The following BCL11A variants were observed in gnomAD, a reference collection of about 807,000 sequenced individuals.
The protein encoded by BCL11A is B cell CLL/lymphoma 11A.
A neutral mutation model predicts 55.9 loss-of-function variants in BCL11A; 2 were observed. That is an observed-to-expected ratio of 0.04 (90% CI 0.01 to 0.11). The LOEUF (loss-of-function observed/expected upper bound fraction) is 0.11, where lower values mean the gene tolerates loss of function less well. Ranked by LOEUF, BCL11A falls within the 10% of genes least tolerant of loss-of-function variation. BCL11A has a pLI of 1.00. For missense variants in BCL11A, 817 were observed against 1,137.1 expected, an observed-to-expected ratio of 0.72 and a Z score of 4.05; for synonymous variants, 465 against 473.4, an observed-to-expected ratio of 0.98 and a Z score of 0.23.
Position 60,458,651 on chromosome 2 carries a change from A to C in BCL11A, c.*1753T>G, listed in dbSNP as rs970544030. The C allele has an allele frequency of 1.9e-6, 2 of 1,031,968 alleles. No individual in the cohort carries two copies. The highest frequency in any genetic ancestry group is 2.3e-6 in the Non-Finnish European group (2 of 857,918). The allele number at this position is 1,031,968 out of a possible 1,614,324, so 63.9% of individuals were successfully genotyped here. On this transcript the variant is annotated 3_prime_UTR_variant, in exon 4 of 4. Transcript: ENST00000642384. ...AATGCTCCTCAATGAGATTGTGTTC[A>C]ATTTTTTTTCAGCATTCTTGCAACT...
At chr2:60,511,127 C>T (rs1679961487) in intron 2 of BCL11A, among the ~76,000 whole-genome samples, 1 of 152,046 alleles carries the variant, frequency 6.6e-6, no homozygotes, top group South Asian at 2.1e-4. Context: ...TGGCCAGGCA[C>T]AAATCCCAGC....
At chr2:60,489,722 C>A (rs1013402060) in intron 2 of BCL11A, among the ~76,000 whole-genome samples, 1 of 152,306 alleles carries the variant, frequency 6.6e-6, no homozygotes, top group South Asian at 2.1e-4. Context: ...GCCCCCGGGC[C>A]GTTCTCCTTT....
At position 60,489,723 on chromosome 2, in the gene BCL11A, G is replaced by A. The variant is rs13025243; in HGVS notation, c.386-20890C>T. 2.1e-3 allele frequency among the ~76,000 whole-genome samples: 313 copies of A among 152,200 alleles called. 1 individual carries two copies. Among genetic ancestry groups the A allele is most frequent in the Admixed American group, 4.3e-3 (66 of 15,294 alleles). ...GGCTCATCTCCTGAGCCCCCGGGCC[G>A]TTCTCCTTTCCAACTGTCTATTTAC... is the stretch of plus-strand genomic sequence containing the variant. On this transcript the variant is annotated intron_variant, in intron 2 of 3. Coordinates refer to ENST00000642384, the MANE Select transcript of BCL11A (RefSeq NM_022893.4).
intron 2 of BCL11A, among the ~76,000 whole-genome samples, chr2:60,477,600 T>TAAAGAAAGAAAGAAAGAAAG (rs10631738): frequency 2.7e-3 from 407 of 150,654 alleles, no homozygotes; most frequent in East Asian, 5.7e-3. Context: ...TAGAGTAAAA[T>TAAAGAAAGAAAGAAAGAAAG]AAATAAAGAA....
intron 3 of BCL11A, among the ~76,000 whole-genome samples, chr2:60,467,149 G>GATGGTGGTA (rs1558618262): frequency 7.7e-6 from 1 of 129,572 alleles, no homozygotes; most frequent in African/African-American, 3.6e-5. Flanking sequence ...TGGTGGTGAT[G>GATGGTGGTA]GTGGTGGTGG....
intron 1 of BCL11A, among the ~76,000 whole-genome samples, chr2:60,550,321 A>T (rs1670349351): frequency 6.6e-6 from 1 of 152,174 alleles, no homozygotes; most frequent in Admixed American, 6.5e-5. Flanking sequence ...GGCCAGAAGC[A>T]TTTTTAAAGT....
intron 2 of BCL11A, among the ~76,000 whole-genome samples, chr2:60,479,502 G>A (rs1420312883): frequency 2.6e-5 from 4 of 152,164 alleles, no homozygotes; most frequent in African/African-American, 9.7e-5. Context: ...AGCCCCTCAG[G>A]CTGAAATCCT....
At position 60,458,745 on chromosome 2, in the gene BCL11A, G is replaced by A; in HGVS notation, c.*1659C>T. On this transcript the variant is annotated 3_prime_UTR_variant, in exon 4 of 4. Transcript: ENST00000642384. The stretch of plus-strand genomic sequence containing the variant: ...GCACTTAATTGTCCTATCTGAGCAG[G>A]TTTATTTTATACTCAACCTCTGTAT... 9.7e-7 allele frequency: 1 copy of A among 1,032,800 alleles called. No homozygotes were observed. The highest frequency in any genetic ancestry group is 1.2e-6 in the Non-Finnish European group (1 of 858,224). 64.0% of individuals were successfully genotyped at this position (1,032,800 alleles called of 1,614,324 possible).
chr2:60,505,991 A>T (rs1454185878), intron 2 of BCL11A, among the ~76,000 whole-genome samples: 1 of 152,220 alleles, frequency 6.6e-6, no homozygotes, highest in African/African-American at 2.4e-5. Context: ...TAACCCAAAT[A>T]GGGCTTTGCA....
chr2:60,518,012 C>T (rs977509288), intron 2 of BCL11A, among the ~76,000 whole-genome samples: 2 of 150,878 alleles, frequency 1.3e-5, no homozygotes, highest in South Asian at 4.1e-4. Context: ...TACTTGAAGG[C>T]CAGAGGCATT....
At chr2:60,511,694 A>G (rs1311715759) in intron 2 of BCL11A, among the ~76,000 whole-genome samples, 1 of 152,222 alleles carries the variant, frequency 6.6e-6, no homozygotes, top group Non-Finnish European at 1.5e-5. Context: ...ATCATCACTC[A>G]GTCAACGTAT....
At position 60,459,708 on chromosome 2, in the gene BCL11A, A is replaced by G. The variant is rs1370905652; in HGVS notation, c.*696T>C. 2 of 1,037,358 alleles carry G rather than the reference A, an allele frequency of 1.9e-6. No homozygotes were observed. Among genetic ancestry groups the G allele is most frequent in the South Asian group, 9.2e-5 (2 of 21,732 alleles). 64.3% of individuals were successfully genotyped at this position (1,037,358 alleles called of 1,614,324 possible). ...ATATTTTAAAACCAAATGATAGAAT[A>G]AACTTGTTCTGTTTTTCTGTTAATT... On this transcript the variant is annotated 3_prime_UTR_variant, in exon 4 of 4. Coordinates refer to ENST00000642384, the MANE Select transcript of BCL11A (RefSeq NM_022893.4).
chr2:60,461,427 TTCCTCTTCCTCGTCGTCC>T lies in BCL11A; in HGVS notation c.1467_1484del (p.Asp490_Glu495del). 1.2e-6 allele frequency: 2 copies of T among 1,604,106 alleles called. No individual in the cohort carries two copies. The highest frequency in any genetic ancestry group is 1.7e-6 in the Non-Finnish European group (2 of 1,178,642). ...CCTCCTCCTCCTCTTCCTCCTCTTC[TTCCTCTTCCTCGTCGTCC>T]TCCTCTTCCTCCTCGTCCCCGTTCT... On this transcript the variant is annotated inframe_deletion, in exon 4 of 4. Transcript: ENST00000642384.
chr2:60,499,689 G>C (rs918880037), intron 2 of BCL11A: 1 of 152,248 alleles, frequency 6.6e-6, no homozygotes. Context: ...GAAGCTCCCC[G>C]GACCAAAGGG....
chr2:60,540,575 G>A (rs957530069), intron 2 of BCL11A, among the ~76,000 whole-genome samples: 1 of 152,046 alleles, frequency 6.6e-6, no homozygotes, highest in African/African-American at 2.4e-5. Flanking sequence ...CATTTTCATT[G>A]AGAAATCACA....
intron 2 of BCL11A, among the ~76,000 whole-genome samples, chr2:60,501,333 T>C (rs964405776): frequency 2.6e-5 from 4 of 152,092 alleles, no homozygotes; most frequent in Non-Finnish European, 4.4e-5. Context: ...TTAATATCTA[T>C]AAGAGCACAG....
Position 60,460,365 on chromosome 2 carries a change from G to A in BCL11A, c.*39C>T, listed in dbSNP as rs945187909. ...GGGGAAGGGGAGTGGTGAAAAAGGG[G>A]GTGTCAGGTGGGAGTGAGGGAGGGG... On this transcript the variant is annotated 3_prime_UTR_variant, in exon 4 of 4. Transcript: ENST00000642384. The A allele has an allele frequency of 9.7e-6, 15 of 1,550,580 alleles. No individual in the cohort carries two copies. The highest frequency in any genetic ancestry group is 1.2e-5 in the Non-Finnish European group (14 of 1,142,512).
Position 60,546,423 on chromosome 2 carries a change from T to C in BCL11A, c.56-123A>G, listed in dbSNP as rs1682167031. On this transcript the variant is annotated intron_variant, in intron 1 of 3. Coordinates refer to ENST00000642384, the MANE Select transcript of BCL11A (RefSeq NM_022893.4). This position sits in a 1 kb window ranked among gnomAD's most constrained non-coding sequence, Gnocchi z 4.1. ...TAAAGTGTTTCTAGGCTTCTCTATA[T>C]AATACCCAGAAAATGTGAGCATACA... 2 of 812,290 alleles carry C rather than the reference T, an allele frequency of 2.5e-6. No individual in the cohort carries two copies. Among genetic ancestry groups the C allele is most frequent in the African/African-American group, 3.5e-5 (2 of 57,726 alleles). The allele number at this position is 812,290 out of a possible 1,614,324, so 50.3% of individuals were successfully genotyped here.
chr2:60,467,930 GTGA>G (rs1676925760), intron 3 of BCL11A, among the ~76,000 whole-genome samples: 1 of 120,674 alleles, frequency 8.3e-6, no homozygotes, highest in Non-Finnish European at 1.9e-5. Context: ...GGTGGTGGTA[GTGA>G]TGGTGGTGGT....
Sources: gnomAD v4.1 joint callset for allele counts (sites outside exome capture counted in the v4.1 genomes callset) on GRCh38, gnomAD v4.1.1 for gene constraint, Gnocchi (gnomAD v3.1) non-coding constraint, MANE v1.5 for transcripts, NCBI Gene and HGNC (gene_info 2026-07-23, HGNC 2026-07-21) for gene names.